The following STXBP4 variants were observed in gnomAD, a reference collection of about 807,000 sequenced individuals.
STXBP4 encodes the protein syntaxin binding protein 4, also known as syntaxin-binding protein 4.
STXBP4 carries 55 observed loss-of-function variants against 76.1 expected under a neutral mutation model. That is an observed-to-expected ratio of 0.72 (90% CI 0.58 to 0.91). The LOEUF (loss-of-function observed/expected upper bound fraction) is 0.91, where lower values mean the gene tolerates loss of function less well. Ranked by LOEUF, STXBP4 falls within the 40% of genes least tolerant of loss-of-function variation. STXBP4 has a pLI of 0.00. For missense variants in STXBP4, 618 were observed against 636.9 expected, an observed-to-expected ratio of 0.97 and a Z score of 0.32; for synonymous variants, 201 against 220.2, an observed-to-expected ratio of 0.91 and a Z score of 0.77.
chr17:55,032,869 C>T (rs571592551), intron 9 of STXBP4, among the ~76,000 whole-genome samples: 21 of 152,218 alleles, frequency 1.4e-4, no homozygotes, highest in African/African-American at 5.1e-4. Context: ...CCAGATTGCC[C>T]TGTAGTGAAA....
At chr17:55,045,799 T>C (rs1043554570) in intron 11 of STXBP4, among the ~76,000 whole-genome samples, 5 of 152,120 alleles carry the variant, frequency 3.3e-5, no homozygotes, top group African/African-American at 1.2e-4. Flanking sequence ...ACCTATTGGC[T>C]GGCCAGTTAA....
intron 16 of STXBP4, among the ~76,000 whole-genome samples, chr17:55,130,324 A>C (rs2079960687): frequency 6.6e-6 from 1 of 152,212 alleles, no homozygotes; most frequent in South Asian, 2.1e-4. Flanking sequence ...GTAATATGTT[A>C]TGCAACAGTA....
At chr17:55,205,337 A>G in the STXBP4 span, among the ~76,000 whole-genome samples, 1 of 152,150 alleles carries the variant, frequency 6.6e-6, no homozygotes, top group East Asian at 1.9e-4. Context: ...TATAAAATGA[A>G]TGTCAGATGA....
At chr17:55,023,932 A>G (rs1367068475) in intron 8 of STXBP4, among the ~76,000 whole-genome samples, 1 of 150,852 alleles carries the variant, frequency 6.6e-6, no homozygotes, top group Admixed American at 6.6e-5. Context: ...AAAAAAAAAA[A>G]AAAAAAAAGA....
intron 8 of STXBP4, among the ~76,000 whole-genome samples, chr17:55,024,721 G>T (rs1270326558): frequency 6.6e-6 from 1 of 152,080 alleles, no homozygotes; most frequent in Admixed American, 6.6e-5. Flanking sequence ...ATCAATAAAA[G>T]AACTGATAAA....
chr17:55,069,068 T>C (rs998077670), intron 12 of STXBP4, among the ~76,000 whole-genome samples: 2 of 151,872 alleles, frequency 1.3e-5, no homozygotes, highest in East Asian at 1.9e-4. Flanking sequence ...GTCTGCTCTT[T>C]GAAGTTTCAT....
chr17:55,076,025 G>A (rs896751843), intron 13 of STXBP4, among the ~76,000 whole-genome samples: 1 of 151,954 alleles, frequency 6.6e-6, no homozygotes, highest in African/African-American at 2.4e-5. Context: ...TTTTTCAGTG[G>A]ATTAGTTGTC....
At chr17:55,146,094 A>G (rs1317302840) in intron 17 of STXBP4, among the ~76,000 whole-genome samples, 2 of 152,182 alleles carry the variant, frequency 1.3e-5, no homozygotes, top group African/African-American at 2.4e-5. Flanking sequence ...CATATGTTAT[A>G]TAATATAACA....
the STXBP4 span, among the ~76,000 whole-genome samples, chr17:55,203,850 T>C: frequency 6.6e-6 from 1 of 152,150 alleles, no homozygotes; most frequent in African/African-American, 2.4e-5. Flanking sequence ...ATCTTTTTTT[T>C]CTTACTTCAT....
the STXBP4 span, among the ~76,000 whole-genome samples, chr17:55,182,819 C>T: frequency 2.0e-5 from 3 of 152,050 alleles, no homozygotes; most frequent in South Asian, 6.2e-4. Flanking sequence ...CAACAAAAAA[C>T]ATTGCCAACT....
chr17:55,199,713 C>T, the STXBP4 span, among the ~76,000 whole-genome samples: 18 of 152,224 alleles, frequency 1.2e-4, no homozygotes, highest in Non-Finnish European at 2.5e-4. Context: ...CAAGAAGACT[C>T]ACAGTAGAAT....
At chr17:55,007,757 T>C (rs1220617304) in intron 8 of STXBP4, among the ~76,000 whole-genome samples, 160 bp downstream of exon 8, 1 of 152,212 alleles carries the variant, frequency 6.6e-6, no homozygotes, top group Non-Finnish European at 1.5e-5. Context: ...TTAATTCACA[T>C]TTGAATTTGG....
At chr17:55,153,532 CAT>C (rs2080238861) in intron 17 of STXBP4, among the ~76,000 whole-genome samples, 1 of 151,488 alleles carries the variant, frequency 6.6e-6, no homozygotes, top group Admixed American at 6.6e-5. Context: ...GATAGATAAA[CAT>C]AACATTAGAA....
At position 55,062,344 on chromosome 17, in the gene STXBP4, G is replaced by A. The variant is rs573315205; in HGVS notation, c.1012-10556G>A. On this transcript the variant is annotated intron_variant, in intron 12 of 17. Transcript: ENST00000376352. Reference sequence around the variant, plus strand: ...TTTGAGTAAGAACATGCAGTGTTTGGTTTTCTGTTCCTGTGTTAGTTTGCT... The same window carrying A: ...TTTGAGTAAGAACATGCAGTGTTTGATTTTCTGTTCCTGTGTTAGTTTGCT... Among the ~76,000 whole-genome samples, 6 of 152,150 alleles carry A rather than the reference G, an allele frequency of 3.9e-5. No homozygotes were observed. The East Asian group carries it at 1.2e-3, about 29-fold the overall frequency.
chr17:55,205,546 C>T, the STXBP4 span, among the ~76,000 whole-genome samples: 3 of 149,680 alleles, frequency 2.0e-5, no homozygotes, highest in Non-Finnish European at 4.4e-5. Context: ...GACAAATGCA[C>T]ACACACACAC....
At chr17:55,032,995 C>G (rs1015116434) in intron 9 of STXBP4, among the ~76,000 whole-genome samples, 35 of 151,796 alleles carry the variant, frequency 2.3e-4, no homozygotes, top group African/African-American at 8.2e-4. Context: ...AGAAATCCTC[C>G]AACATAAAAT....
the STXBP4 span, among the ~76,000 whole-genome samples, chr17:55,203,368 A>C: frequency 2.6e-5 from 4 of 151,912 alleles, no homozygotes; most frequent in Admixed American, 6.6e-5. Context: ...AGAGCTCCTC[A>C]TGGAGAGTAA....
chr17:55,162,521 G>A lies in STXBP4; in HGVS notation c.*2610G>A, dbSNP rs2080345415. On this transcript the variant is annotated 3_prime_UTR_variant, in exon 18 of 18. Transcript: ENST00000376352. ...CAAGCACTGTGCTAAACACTGTGGT[G>A]AAGTAGAACAATTGCTAATCATTTC... The A allele has an allele frequency of 6.6e-6, 1 of 151,828 alleles. No homozygotes were observed. The highest frequency in any genetic ancestry group is 2.1e-4 in the South Asian group (1 of 4,818). The allele number at this position is 151,828 out of a possible 1,614,324, so 9.4% of individuals were successfully genotyped here.
chr17:55,144,839 G>T (rs1474177884), intron 17 of STXBP4, among the ~76,000 whole-genome samples: 1 of 152,172 alleles, frequency 6.6e-6, no homozygotes, highest in Non-Finnish European at 1.5e-5. Context: ...ACACAAAATA[G>T]CTAAATAAAA....
Sources: gnomAD v4.1 joint callset for allele counts (sites outside exome capture counted in the v4.1 genomes callset) on GRCh38, gnomAD v4.1.1 for gene constraint, MANE v1.5 for transcripts, NCBI Gene and HGNC (gene_info 2026-07-23, HGNC 2026-07-21) for gene names.